Variants in CC2D2A observed in about 807,000 individuals in gnomAD.
CC2D2A encodes the protein coiled-coil and C2 domain-containing protein 2A.
Under a neutral mutation model 212.9 loss-of-function variants are expected in CC2D2A, and 155 were observed. The observed-to-expected ratio is 0.73, with a 90% CI of 0.64 to 0.83. The LOEUF is 0.83. Ranked by LOEUF, CC2D2A falls within the 40% of genes least tolerant of loss-of-function variation. The pLI is 0.00. For missense variants in CC2D2A, 1,856 were observed against 1,956.2 expected, an observed-to-expected ratio of 0.95 and a Z score of 0.97; for synonymous variants, 667 against 686.5, an observed-to-expected ratio of 0.97 and a Z score of 0.44.
At chr4:15,503,403 G>C (rs1043515738) in intron 6 of CC2D2A, among the ~76,000 whole-genome samples, 1 of 152,180 alleles carries the variant, frequency 6.6e-6, no homozygotes, top group African/African-American at 2.4e-5. Flanking sequence ...TATCCCTACA[G>C]GGCAGGTACT....
In CC2D2A at chr4:15,536,989, G is replaced by A. The variant is rs1560170993; in HGVS notation, c.1677G>A (p.Leu559=). 2.5e-6 allele frequency: 4 copies of A among 1,613,832 alleles called. No homozygotes were observed. Among genetic ancestry groups the A allele is most frequent in the Middle Eastern group, 1.7e-4 (1 of 6,058 alleles). Residue 559 remains leucine, a synonymous_variant, in exon 15 of 37, where the codon CTG becomes CTA. Coordinates refer to ENST00000424120, the MANE Select transcript of CC2D2A (RefSeq NM_001378615.1). ...EAEIQAEISE[L]LEEHTEEYAQ... is the part of the protein sequence containing the mutation. ...AAATTCAAGCTGAAATAAGTGAACT[G>A]TTAGAAGAGCACACGGAGGAGTACG... is the stretch of plus-strand genomic sequence containing the variant.
intron 22 of CC2D2A, 104 bp downstream of exon 22, chr4:15,559,361 CCACT>C: frequency 4.3e-6 from 3 of 689,722 alleles, no homozygotes; most frequent in Non-Finnish European, 7.4e-6. Context: ...CTTATGCAAG[CCACT>C]TAGCTTGCAT....
At chr4:15,585,947 T>C (rs950116997) in intron 30 of CC2D2A, among the ~76,000 whole-genome samples, 4 of 152,208 alleles carry the variant, frequency 2.6e-5, no homozygotes, top group Admixed American at 6.5e-5. Flanking sequence ...GGGACACAGT[T>C]TCTTCATCTG....
intron 26 of CC2D2A, 84 bp from the exon 27 acceptor site, chr4:15,569,209 G>T: frequency 1.4e-6 from 1 of 731,848 alleles, no homozygotes; most frequent in Non-Finnish European, 2.4e-6. Flanking sequence ...TCATATTTGG[G>T]TATTTTTCAA....
chr4:15,524,717 C>T (rs1337873343), intron 11 of CC2D2A, among the ~76,000 whole-genome samples: 1 of 152,168 alleles, frequency 6.6e-6, no homozygotes, highest in Non-Finnish European at 1.5e-5. Context: ...TCCCAAAGTG[C>T]TGGGATTACA....
chr4:15,527,652 A>T lies in CC2D2A; in HGVS notation c.1355A>T (p.Asp452Val). 1 of 1,600,524 alleles carries T rather than the reference A, an allele frequency of 6.2e-7. No homozygotes were observed. The highest frequency in any genetic ancestry group is 8.5e-7 in the Non-Finnish European group (1 of 1,172,616). The change falls in exon 12 of 37, where the codon GAT becomes GTT. Residue 452 changes from aspartate (D) to valine (V), a missense_variant. Asp to Val is a radical substitution (Grantham distance 152, BLOSUM62 -3). Around this residue, in one of 5 missense-constraint regions of CC2D2A, gnomAD observed 1,512 missense variants for 1,579.3 expected, o/e 0.96. Coordinates refer to ENST00000424120, the MANE Select transcript of CC2D2A (RefSeq NM_001378615.1). ...AGAAACAAGGCGAAATTTCTTACTGATAAGGTACATGTGATTTCTTCCATA... is the reference window on the plus strand; with the variant it reads ...AGAAACAAGGCGAAATTTCTTACTGTTAAGGTACATGTGATTTCTTCCATA... The part of the protein sequence containing the change: ...HQRNKAKFLT[D>V]KLQALRNAVQ...
At chr4:15,527,090 C>T (rs965642803) in intron 11 of CC2D2A, among the ~76,000 whole-genome samples, 8 of 152,152 alleles carry the variant, frequency 5.3e-5, no homozygotes, top group African/African-American at 1.9e-4. Context: ...ATCTATGCTC[C>T]TCCCAGTAAA....
intron 22 of CC2D2A, 83 bp from the exon 23 acceptor site, chr4:15,560,448 A>G (rs1719521781): frequency 1.4e-6 from 1 of 696,532 alleles, no homozygotes; most frequent in African/African-American, 1.8e-5. Context: ...CTGAGATGAC[A>G]TTAGGGTAAA....
At position 15,554,994 on chromosome 4, in the gene CC2D2A, C is replaced by T. The variant is rs578241500; in HGVS notation, c.2487-78C>T. On this transcript the variant is annotated intron_variant, in intron 19 of 36. Transcript: ENST00000424120. ...AGGATAATAGCTTCCTCAAGTCATGCTGTCTCTAGAATTTGAGGTCCTGAT... is the reference window on the plus strand; with the variant it reads ...AGGATAATAGCTTCCTCAAGTCATGTTGTCTCTAGAATTTGAGGTCCTGAT... The T allele has an allele frequency of 3.6e-5, 51 of 1,411,288 alleles. No homozygotes were observed. The South Asian group carries it at 6.0e-4, about 17-fold the overall frequency. The allele number at this position is 1,411,288 out of a possible 1,614,324, so 87.4% of individuals were successfully genotyped here.
intron 8 of CC2D2A, 34 bp downstream of exon 8, chr4:15,511,457 T>G: frequency 3.4e-6 from 5 of 1,473,670 alleles, no homozygotes; most frequent in Non-Finnish European, 4.5e-6. Flanking sequence ...GAGGTGTGGG[T>G]GGAGGGCTAG....
intron 7 of CC2D2A, 35 bp from the exon 8 acceptor site, chr4:15,511,212 A>G (rs756597936): frequency 3.2e-6 from 5 of 1,566,086 alleles, no homozygotes; most frequent in Non-Finnish European, 4.3e-6. Flanking sequence ...CAGCTTATAA[A>G]TGGGAAATTG....
intron 33 of CC2D2A, among the ~76,000 whole-genome samples, chr4:15,593,275 T>C (rs11728037): frequency 0.16 from 24,220 of 152,170 alleles, 2,446 homozygotes; most frequent in Middle Eastern, 0.25. Context: ...AGCCAAATTG[T>C]AGTTCTTAAA....
intron 22 of CC2D2A, 58 bp from the exon 23 acceptor site, chr4:15,560,471 GGA>G (rs1719523376): frequency 1.2e-6 from 1 of 848,372 alleles, no homozygotes; most frequent in Non-Finnish European, 1.9e-6. Flanking sequence ...CTTAGAGTGT[GGA>G]GAGTGAACTA....
chr4:15,533,679 C>T (rs1328146566), intron 14 of CC2D2A, among the ~76,000 whole-genome samples: 1 of 152,268 alleles, frequency 6.6e-6, no homozygotes, highest in South Asian at 2.1e-4. Context: ...ATACATGCTT[C>T]TTTTCTTCAG....
At chr4:15,528,244 T>G (rs1431857571) in intron 12 of CC2D2A, among the ~76,000 whole-genome samples, 1 of 152,248 alleles carries the variant, frequency 6.6e-6, no homozygotes, top group African/African-American at 2.4e-5. Context: ...GTCTGTAATT[T>G]TATAGTTTCT....
At chr4:15,507,695 A>T (rs1006028795) in intron 6 of CC2D2A, among the ~76,000 whole-genome samples, 8 of 152,192 alleles carry the variant, frequency 5.3e-5, no homozygotes, top group African/African-American at 1.7e-4. Flanking sequence ...GGAAAGAGAG[A>T]TGGAGAAGTG....
chr4:15,553,057 A>C (rs1203585176), intron 18 of CC2D2A, 101 bp from the exon 19 acceptor site: 1 of 1,028,712 alleles, frequency 9.7e-7, no homozygotes, highest in Non-Finnish European at 1.4e-6. Context: ...CATCACCCCC[A>C]CCCACTCCAA....
chr4:15,539,108 T>C (rs1441542718), intron 16 of CC2D2A, among the ~76,000 whole-genome samples: 1 of 152,104 alleles, frequency 6.6e-6, no homozygotes, highest in Admixed American at 6.5e-5. Flanking sequence ...GAAAGATTAA[T>C]AAAAACTAGC....
intron 29 of CC2D2A, among the ~76,000 whole-genome samples, chr4:15,578,135 A>G (rs1220935850): frequency 6.6e-6 from 1 of 152,146 alleles, no homozygotes; most frequent in African/African-American, 2.4e-5. Flanking sequence ...TACCTCTTTC[A>G]CTTAGTTACA....
Sources: allele counts gnomAD v4.1 joint callset (sites outside exome capture counted in the v4.1 genomes callset), GRCh38; gene constraint gnomAD v4.1.1; regional missense constraint gnomAD v4.1.1; transcripts MANE v1.5; gene names NCBI Gene and HGNC (gene_info 2026-07-23, HGNC 2026-07-21).